The following SLC25A48 variants were observed in gnomAD, a reference collection of about 807,000 sequenced individuals.
SLC25A48 encodes the protein solute carrier family 25 member 48, also known as CTC-321K16.1.
A neutral mutation model predicts 32.2 loss-of-function variants in SLC25A48; 29 were observed. That is an observed-to-expected ratio of 0.90 (90% CI 0.67 to 1.23). SLC25A48 has a LOEUF of 1.23. Ranked by LOEUF, SLC25A48 falls within the 50% of genes most tolerant of loss-of-function variation. The probability of loss-of-function intolerance (pLI) is 0.00; values close to 1 mark genes in which losing one functional copy is unlikely to be tolerated. For missense variants in SLC25A48, 399 were observed against 422.7 expected (o/e 0.94, Z 0.49); for synonymous variants, 164 against 172.3 (o/e 0.95, Z 0.38).
Position 135,775,682 on chromosome 5 carries a change from G to A in SLC25A48, c.-520-36841G>A, listed in dbSNP as rs975107498. ...AGAGGATGCTATTACTCCCAACATC[G>A]CAGAGGGTATACAACCCTTTGTGAT... On this transcript the variant is annotated intron_variant, in intron 3 of 10. Transcript: ENST00000646290. Among the ~76,000 whole-genome samples the A allele has an allele frequency of 5.9e-5, 9 of 151,466 alleles. No individual in the cohort carries two copies. The South Asian group carries it at 1.5e-3, about 24-fold the overall frequency.
At chr5:135,831,870 G>A (rs568322109), upstream of SLC25A48, among the ~76,000 whole-genome samples, 84 of 152,342 alleles carry the variant, frequency 5.5e-4, no homozygotes, top group African/African-American at 1.9e-3. Context: ...CCAGGAACCC[G>A]TGTCCACTGT....
intron 3 of SLC25A48, among the ~76,000 whole-genome samples, chr5:135,750,199 A>G (rs1317236519): frequency 6.6e-6 from 1 of 152,236 alleles, no homozygotes; most frequent in Non-Finnish European, 1.5e-5. Context: ...AACTCAAGCC[A>G]TAAATCTGAG....
intron 3 of SLC25A48, among the ~76,000 whole-genome samples, chr5:135,777,563 A>G (rs1171499920): frequency 1.3e-5 from 2 of 151,204 alleles, no homozygotes; most frequent in Non-Finnish European, 2.9e-5. Flanking sequence ...ATATTTAGAA[A>G]AAAGGAGGAT....
chr5:135,777,641 G>T (rs755688135), intron 3 of SLC25A48, among the ~76,000 whole-genome samples: 24 of 151,698 alleles, frequency 1.6e-4, no homozygotes, highest in Non-Finnish European at 2.8e-4. Context: ...TATCGAGGAG[G>T]AGAGAGGATA....
chr5:135,873,149 G>A (rs1761793857), intron 5 of SLC25A48, among the ~76,000 whole-genome samples: 1 of 152,202 alleles, frequency 6.6e-6, no homozygotes, highest in South Asian at 2.1e-4. Flanking sequence ...GCTCCTGGAG[G>A]ACCAAGGGCA....
intron 7 of SLC25A48, among the ~76,000 whole-genome samples, chr5:135,881,343 C>A (rs1373031724): frequency 6.6e-6 from 1 of 152,226 alleles, no homozygotes; most frequent in African/African-American, 2.4e-5. Context: ...GACGGCAGAG[C>A]CCTGCCAGGG....
At chr5:135,586,442 G>A (rs781646226) in intron 1 of SLC25A48, among the ~76,000 whole-genome samples, 2 of 152,210 alleles carry the variant, frequency 1.3e-5, no homozygotes, top group East Asian at 1.9e-4. Flanking sequence ...TTAACTTGTG[G>A]CCTGTATTTT....
chr5:135,693,016 A>C (rs192510679), intron 3 of SLC25A48, among the ~76,000 whole-genome samples: 1 of 152,306 alleles, frequency 6.6e-6, no homozygotes, highest in East Asian at 1.9e-4. Context: ...CTCAAAACAA[A>C]TTATCTTAAA....
At position 135,754,922 on chromosome 5, in the gene SLC25A48, C is replaced by T. The variant is rs114080809; in HGVS notation, c.-520-57601C>T. On this transcript the variant is annotated intron_variant, in intron 3 of 10. Coordinates refer to the SLC25A48 transcript ENST00000646290. ...AATATTGGTCTGACATTTATAATATCCAGTGCTTACACACCAAGATATTAA... is the reference window on the plus strand; with the variant it reads ...AATATTGGTCTGACATTTATAATATTCAGTGCTTACACACCAAGATATTAA... Among the ~76,000 whole-genome samples the T allele has an allele frequency of 5.8e-3, 881 of 151,894 alleles. 8 individuals are homozygous for T. The highest frequency in any genetic ancestry group is 9.6e-3 in the Non-Finnish European group (650 of 67,890).
rs75610694 is a variant in SLC25A48 at position 135,721,193 on chromosome 5, T to C, written c.-521+86237T>C. ...AGTAGCTGGGACACCATGCCTGGCC[T>C]TTTTTTTTTTTTTTTTTTTTTTTTT... On this transcript the variant is annotated intron_variant, in intron 3 of 10. Transcript: ENST00000646290. 2.0e-4 allele frequency among the ~76,000 whole-genome samples: 9 copies of C among 44,944 alleles called. No homozygotes were observed. The South Asian group carries it at 5.3e-3, about 26-fold the overall frequency. 29.5% of individuals were successfully genotyped at this position (44,944 alleles called of 152,430 possible). A position where few individuals can be genotyped will look rare whatever the true frequency, so the allele number is the denominator to read the frequency against.
chr5:135,799,875 G>A (rs1346660279), intron 3 of SLC25A48, among the ~76,000 whole-genome samples: 2 of 151,562 alleles, frequency 1.3e-5, no homozygotes, highest in Non-Finnish European at 2.9e-5. Flanking sequence ...CTAATATCCA[G>A]GGGAAAATAG....
chr5:135,779,294 C>A (rs569472581), intron 3 of SLC25A48, among the ~76,000 whole-genome samples: 1 of 151,286 alleles, frequency 6.6e-6, no homozygotes, highest in East Asian at 2.0e-4. Context: ...CAGAGGTGAA[C>A]ACTCCCCCTG....
chr5:135,801,545 A>G (rs1757327401), intron 3 of SLC25A48, among the ~76,000 whole-genome samples: 1 of 151,028 alleles, frequency 6.6e-6, no homozygotes, highest in South Asian at 2.1e-4. Flanking sequence ...AGATGATATT[A>G]CTTCTTCTTA....
At chr5:135,639,704 T>C (rs1752788697) in intron 3 of SLC25A48, among the ~76,000 whole-genome samples, 2 of 152,176 alleles carry the variant, frequency 1.3e-5, no homozygotes, top group African/African-American at 4.8e-5. Context: ...TAGAGTAAAG[T>C]TCATACCCTG....
chr5:135,702,390 A>G (rs1580797766), intron 3 of SLC25A48, among the ~76,000 whole-genome samples: 1 of 152,280 alleles, frequency 6.6e-6, no homozygotes, highest in East Asian at 1.9e-4. Flanking sequence ...AGAGGCAGGG[A>G]TGGGAGTGAT....
At chr5:135,600,357 G>A (rs1012669279) in intron 1 of SLC25A48, among the ~76,000 whole-genome samples, 1 of 152,210 alleles carries the variant, frequency 6.6e-6, no homozygotes, top group Non-Finnish European at 1.5e-5. Flanking sequence ...TGTGGATTTT[G>A]AGGATCCACA....
chr5:135,688,456 A>G (rs1754068765), intron 3 of SLC25A48, among the ~76,000 whole-genome samples: 1 of 152,210 alleles, frequency 6.6e-6, no homozygotes, highest in Non-Finnish European at 1.5e-5. Context: ...ATGAATGTCT[A>G]TGAAGAAGTT....
intron 4 of SLC25A48, among the ~76,000 whole-genome samples, chr5:135,869,158 A>G (rs1001884196): frequency 6.6e-6 from 1 of 152,230 alleles, no homozygotes; most frequent in Non-Finnish European, 1.5e-5. Flanking sequence ...TTGCAAATTT[A>G]GAATTATTTC....
At chr5:135,809,840 C>T (rs1431053926) in intron 3 of SLC25A48, among the ~76,000 whole-genome samples, 1 of 152,122 alleles carries the variant, frequency 6.6e-6, no homozygotes, top group African/African-American at 2.4e-5. Context: ...TACCAATGGA[C>T]CTTCTTTTTT....
Sources: allele counts gnomAD v4.1 joint callset (sites outside exome capture counted in the v4.1 genomes callset), GRCh38; gene constraint gnomAD v4.1.1; transcripts MANE v1.5; gene names NCBI Gene and HGNC (gene_info 2026-07-23, HGNC 2026-07-21).